ZMYND19: variants seen among roughly 807,000 people sequenced by gnomAD.
ZMYND19 encodes the protein zinc finger MYND domain-containing protein 19.
ZMYND19 carries 17 observed loss-of-function variants against 32.0 expected under a neutral mutation model. The ratio of observed to expected loss-of-function variants is 0.53; its 90% CI spans 0.36 to 0.80. ZMYND19 has a LOEUF of 0.80. ZMYND19 is among the 30% of genes least tolerant of loss of function. ZMYND19 has a pLI of 0.00. For synonymous variants in ZMYND19, 124 were observed against 113.6 expected, an observed-to-expected ratio of 1.09 and a Z score of -0.58; for missense variants, 250 against 293.6, an observed-to-expected ratio of 0.85 and a Z score of 1.09.
At chr9:137,583,240 A>C (rs1418110044) in intron 4 of ZMYND19, 77 bp from the exon 5 acceptor site, 3 of 1,517,654 alleles carry the variant, frequency 2.0e-6, no homozygotes, top group Non-Finnish European at 2.7e-6. Flanking sequence ...CAATGACTCC[A>C]TAGAGTGCCA....
chr9:137,589,477 T>A lies in ZMYND19; in HGVS notation c.51+736A>T, dbSNP rs1212480544. ...CAGCCGCTGGTGACGGGAACAGGGC[T>A]CCCATCCGGGTAAGGACCCTGGCTG... On this transcript the variant is annotated intron_variant, in intron 1 of 5. Coordinates refer to ENST00000298585, the MANE Select transcript of ZMYND19 (RefSeq NM_138462.3). 5 of 985,308 alleles carry A rather than the reference T, an allele frequency of 5.1e-6. No homozygotes were observed. In the East Asian group the frequency reaches 5.7e-4, roughly 112 times the overall value. The allele number at this position is 985,308 out of a possible 1,614,324, so 61.0% of individuals were successfully genotyped here. A position where few individuals can be genotyped will look rare whatever the true frequency, so the allele number is the denominator to read the frequency against.
Position 137,590,240 on chromosome 9 carries a change from G to C in ZMYND19, c.24C>G (p.Ile8Met). 5 of 1,154,334 alleles carry C rather than the reference G, an allele frequency of 4.3e-6. No individual in the cohort carries two copies. The highest frequency in any genetic ancestry group is 5.4e-6 in the Non-Finnish European group (5 of 921,848). The allele number at this position is 1,154,334 out of a possible 1,614,324, so 71.5% of individuals were successfully genotyped here. A position where few individuals can be genotyped will look rare whatever the true frequency, so the allele number is the denominator to read the frequency against. MTDFKLGIVRLGRVAGKT... is the reference protein window; with the variant it reads MTDFKLGMVRLGRVAGKT... ...TCCCGGCCACCCGGCCGAGCCGCAC[G>C]ATACCCAATTTGAAGTCGGTCATGG... The change falls in exon 1 of 6, where the codon ATC (isoleucine) becomes ATG (methionine). Residue 8 changes from isoleucine to methionine, a missense_variant. Ile to Met is a conservative substitution (Grantham distance 10, BLOSUM62 1). Coordinates refer to ENST00000298585, the MANE Select transcript of ZMYND19 (RefSeq NM_138462.3). This position sits in a 1 kb window ranked among gnomAD's most constrained non-coding sequence, Gnocchi z 4.2.
Position 137,583,514 on chromosome 9 carries a change from G to A in ZMYND19, c.360-351C>T, listed in dbSNP as rs550761084. Among the ~76,000 whole-genome samples the A allele has an allele frequency of 4.5e-4, 68 of 152,182 alleles. No homozygotes were observed. In the South Asian group the frequency reaches 0.013, roughly 30 times the overall value. The stretch of plus-strand genomic sequence containing the variant: ...CAGAGGTGCCCATTACTGCCCCGTC[G>A]GTCCACTTCCCCTTCCATACCGGGA... On this transcript the variant is annotated intron_variant, in intron 4 of 5. Transcript: ENST00000298585.
intron 4 of ZMYND19, among the ~76,000 whole-genome samples, chr9:137,583,535 C>T (rs896940416): frequency 3.3e-5 from 5 of 152,094 alleles, no homozygotes; most frequent in Admixed American, 1.3e-4. Context: ...CCTTCCATAC[C>T]GGGAGCTGCC....
chr9:137,585,396 CAG>C (rs1842192988), intron 4 of ZMYND19, among the ~76,000 whole-genome samples: 1 of 128,624 alleles, frequency 7.8e-6, no homozygotes, highest in Non-Finnish European at 1.5e-5. Flanking sequence ...GCCTAGGCAA[CAG>C]AGCCAGACTC....
chr9:137,582,236 T>G lies in ZMYND19; in HGVS notation c.*307A>C. The G allele has an allele frequency of 3.6e-6, 1 of 276,470 alleles. No homozygotes were observed. Among genetic ancestry groups the G allele is most frequent in the Non-Finnish European group, 6.8e-6 (1 of 146,474 alleles). 17.1% of individuals were successfully genotyped at this position (276,470 alleles called of 1,614,324 possible). A position where few individuals can be genotyped will look rare whatever the true frequency, so the allele number is the denominator to read the frequency against. On this transcript the variant is annotated 3_prime_UTR_variant, in exon 6 of 6. Coordinates refer to ENST00000298585, the MANE Select transcript of ZMYND19 (RefSeq NM_138462.3). ...CCATTTAAGGATTACAGCAAATGAT[T>G]CTATTTGTAATTTCTACCCTTCCCA... is the stretch of plus-strand genomic sequence containing the variant.
intron 4 of ZMYND19, among the ~76,000 whole-genome samples, chr9:137,583,715 C>T (rs1036629852): frequency 3.3e-5 from 5 of 152,162 alleles, no homozygotes; most frequent in African/African-American, 1.2e-4. Context: ...AACCACCCCA[C>T]CAACCCCGTT....
Position 137,584,632 on chromosome 9 carries a change from A to C in ZMYND19, c.360-1469T>G, listed in dbSNP as rs556983993. Among the ~76,000 whole-genome samples the C allele has an allele frequency of 3.7e-4, 57 of 152,338 alleles. 1 individual carries two copies. Among genetic ancestry groups the C allele is most frequent in the Non-Finnish European group, 6.0e-4 (41 of 68,020 alleles). ...ATCCCAGCATCAACACTGAGCATGT[A>C]TCAATGTGGGACAACGCAGGAGGAG... On this transcript the variant is annotated intron_variant, in intron 4 of 5. Transcript: ENST00000298585.
intron 4 of ZMYND19, among the ~76,000 whole-genome samples, chr9:137,586,479 G>A (rs780002690): frequency 6.6e-6 from 1 of 150,468 alleles, no homozygotes; most frequent in Non-Finnish European, 1.5e-5. Context: ...GAATCCCGAG[G>A]TGAGAGAAGG....
In ZMYND19 at chr9:137,588,686, G is replaced by A. The variant is rs902470950; in HGVS notation, c.84C>T (p.Ile28=). 1 of 1,614,198 alleles carries A rather than the reference G, an allele frequency of 6.2e-7. No homozygotes were observed. Among genetic ancestry groups the A allele is most frequent in the African/African-American group, 1.3e-5 (1 of 75,058 alleles). Residue 28 remains isoleucine, a synonymous_variant, in exon 2 of 6, where the codon ATC becomes ATT. Coordinates refer to ENST00000298585, the MANE Select transcript of ZMYND19 (RefSeq NM_138462.3). ...CAAAGGAGTAGCTCTCCACCAGCGGGATGTCCTGCTCATCGATCAGCGTGT... is the reference window on the plus strand; with the variant it reads ...CAAAGGAGTAGCTCTCCACCAGCGGAATGTCCTGCTCATCGATCAGCGTGT... ...TKYTLIDEQD[I]PLVESYSFEA... is the part of the protein sequence containing the mutation.
Position 137,582,617 on chromosome 9 carries a change from C to G in ZMYND19, c.610G>C (p.Asp204His). The G allele has an allele frequency of 6.2e-7, 1 of 1,613,592 alleles. No homozygotes were observed. The highest frequency in any genetic ancestry group is 1.1e-5 in the South Asian group (1 of 91,084). Residue 204 changes from aspartate (D) to histidine (H), a missense_variant, in exon 6 of 6, where the codon GAC becomes CAC. By Grantham distance (81) the Asp-to-His change is moderately conservative. Transcript: ENST00000298585. ...CAGTGCTTCTTGTGGGCAGGCCAGT[C>G]CTTCTGCTGGCACTGGGAGCCGCAG... ...RYCGSQCQQKDWPAHKKHCRE... is the reference protein window; with the variant it reads ...RYCGSQCQQKHWPAHKKHCRE...
intron 4 of ZMYND19, among the ~76,000 whole-genome samples, chr9:137,586,406 AGAAG>A (rs1259138193): frequency 1.3e-5 from 2 of 151,764 alleles, no homozygotes; most frequent in Non-Finnish European, 1.5e-5. Flanking sequence ...AGGTGAGGAG[AGAAG>A]GAAGGAATCC....
chr9:137,588,024 T>G (rs1842225651), intron 2 of ZMYND19, among the ~76,000 whole-genome samples: 1 of 152,166 alleles, frequency 6.6e-6, no homozygotes, highest in South Asian at 2.1e-4. Flanking sequence ...CTCTGTCTAT[T>G]CGAGCAAGAA....
intron 1 of ZMYND19, chr9:137,589,024 A>C: frequency 2.8e-6 from 1 of 353,104 alleles, no homozygotes. Context: ...TGAACATTCA[A>C]CGCACCAATA....
At chr9:137,587,611 G>T in intron 3 of ZMYND19, 106 bp downstream of exon 3, 1 of 933,988 alleles carries the variant, frequency 1.1e-6, no homozygotes, top group Non-Finnish European at 1.7e-6. Context: ...ATTCAGGGAA[G>T]GCAAGGCAGG....
chr9:137,587,428 A>G, intron 3 of ZMYND19: 1 of 579,272 alleles, frequency 1.7e-6, no homozygotes, highest in Non-Finnish European at 3.0e-6. Context: ...GGTCCCTACC[A>G]TGCACACCGG....
intron 5 of ZMYND19, 144 bp from the exon 6 acceptor site, chr9:137,582,830 A>G (rs1842162533): frequency 6.7e-7 from 1 of 1,498,820 alleles, no homozygotes; most frequent in African/African-American, 1.4e-5. Context: ...AGGCCAGCAC[A>G]AGGGCAAAGG....
At chr9:137,588,920 G>A (rs1487818586) in intron 1 of ZMYND19, 1 of 577,594 alleles carries the variant, frequency 1.7e-6, no homozygotes, top group Non-Finnish European at 3.1e-6. Flanking sequence ...CAAAACACAG[G>A]CAGACAGGTT....
At chr9:137,584,411 G>A (rs1842181145) in intron 4 of ZMYND19, among the ~76,000 whole-genome samples, 1 of 152,244 alleles carries the variant, frequency 6.6e-6, no homozygotes, top group Non-Finnish European at 1.5e-5. Flanking sequence ...CCAAACGGCT[G>A]TTCTTAACGG....
Sources: allele counts gnomAD v4.1 joint callset (sites outside exome capture counted in the v4.1 genomes callset), GRCh38; gene constraint gnomAD v4.1.1; non-coding constraint Gnocchi (gnomAD v3.1); transcripts MANE v1.5; gene names NCBI Gene and HGNC (gene_info 2026-07-23, HGNC 2026-07-21).